Variants in PLSCR2 observed in about 807,000 individuals in gnomAD.
The protein encoded by PLSCR2 is phospholipid scramblase 2.
In PLSCR2, 18 loss-of-function variants were observed where a neutral mutation model predicts 25.3. The observed-to-expected ratio is 0.71, with a 90% CI of 0.49 to 1.06. The LOEUF (loss-of-function observed/expected upper bound fraction) is 1.06. Among genes scored for constraint, PLSCR2 ranks in the 50% least tolerant of loss-of-function variants. The probability of loss-of-function intolerance (pLI) is 0.00; values close to 1 mark genes in which losing one functional copy is unlikely to be tolerated. For synonymous variants in PLSCR2, 88 were observed against 87.3 expected (o/e 1.01, Z -0.04); for missense variants, 243 against 269.5 (o/e 0.90, Z 0.69).
At chr3:146,430,603 C>T (rs940686560), downstream of PLSCR2, among the ~76,000 whole-genome samples, 3 of 152,168 alleles carry the variant, frequency 2.0e-5, no homozygotes, top group African/African-American at 7.2e-5. Context: ...AGCCCAAACT[C>T]AGCTAAAACT....
chr3:146,472,499 G>A (rs1014863056), intron 1 of PLSCR2, among the ~76,000 whole-genome samples: 3 of 152,182 alleles, frequency 2.0e-5, no homozygotes, highest in Non-Finnish European at 4.4e-5. Flanking sequence ...AAGGTGCCAG[G>A]AGATTCAGTG....
chr3:146,469,503 G>A, intron 1 of PLSCR2: 1 of 985,052 alleles, frequency 1.0e-6, no homozygotes, highest in Non-Finnish European at 1.2e-6. Context: ...ACCCGTGGCT[G>A]CAGCTGCTCC....
At chr3:146,468,007 T>G (rs2041944482) in intron 1 of PLSCR2, among the ~76,000 whole-genome samples, 1 of 152,210 alleles carries the variant, frequency 6.6e-6, no homozygotes, top group Admixed American at 6.5e-5. Flanking sequence ...ACCTGCACTT[T>G]AAGACCTCAA....
At chr3:146,476,173 A>C (rs559519196) in intron 1 of PLSCR2, among the ~76,000 whole-genome samples, 1 of 152,062 alleles carries the variant, frequency 6.6e-6, no homozygotes, top group South Asian at 2.1e-4. Flanking sequence ...CAGTGTGTGA[A>C]TCCTGCACTG....
intron 8 of PLSCR2, 77 bp from the exon 8 acceptor site, chr3:146,433,594 G>C (rs2039640549): frequency 6.6e-6 from 1 of 152,046 alleles, no homozygotes; most frequent in Admixed American, 6.6e-5. Context: ...TCCTCATTTT[G>C]GGTTGGTTTT....
At chr3:146,395,167 T>C (rs1248808988) in intron 3 of PLSCR2, among the ~76,000 whole-genome samples, 1 of 152,154 alleles carries the variant, frequency 6.6e-6, no homozygotes, top group East Asian at 1.9e-4. Context: ...AGAGGGATCA[T>C]CTAAAGTTCA....
intron 1 of PLSCR2, among the ~76,000 whole-genome samples, chr3:146,467,030 GCA>G (rs2041901874): frequency 6.6e-6 from 1 of 152,140 alleles, no homozygotes; most frequent in Admixed American, 6.5e-5. Flanking sequence ...GAAATGAAAA[GCA>G]CAGTTGTTAC....
chr3:146,396,084 T>G (rs1418832863), intron 2 of PLSCR2, among the ~76,000 whole-genome samples: 1 of 152,172 alleles, frequency 6.6e-6, no homozygotes, highest in Non-Finnish European at 1.5e-5. Context: ...CTGGTAAAAT[T>G]TATAGGCAAT....
At chr3:146,486,069 T>A (rs2108556799) in intron 1 of PLSCR2, among the ~76,000 whole-genome samples, 1 of 152,138 alleles carries the variant, frequency 6.6e-6, no homozygotes, top group South Asian at 2.1e-4. Context: ...CCAAACTGTA[T>A]CAGTAAATAA....
intron 8 of PLSCR2, among the ~76,000 whole-genome samples, chr3:146,435,730 C>G (rs1291338581): frequency 6.6e-6 from 1 of 152,130 alleles, no homozygotes; most frequent in Non-Finnish European, 1.5e-5. Flanking sequence ...GTTGCCTGTT[C>G]ACTCTGATGG....
intron 6 of PLSCR2, among the ~76,000 whole-genome samples, chr3:146,442,715 C>T (rs970916787): frequency 6.6e-6 from 1 of 151,954 alleles, no homozygotes; most frequent in Non-Finnish European, 1.5e-5. Flanking sequence ...GAGGAAAGGA[C>T]AGTACCCTTA....
intron 1 of PLSCR2, among the ~76,000 whole-genome samples, chr3:146,482,974 A>G (rs9755212): frequency 0.32 from 49,071 of 151,874 alleles, 7,969 homozygotes; most frequent in South Asian, 0.4. Flanking sequence ...CTATCACAAG[A>G]ACAGAAAATC....
intron 2 of PLSCR2, among the ~76,000 whole-genome samples, chr3:146,412,493 G>A (rs780704816): frequency 3.3e-5 from 5 of 152,158 alleles, no homozygotes; most frequent in Admixed American, 6.5e-5. Context: ...TGCAGCATGA[G>A]TTGCACTTGG....
At chr3:146,434,299 T>G (rs965010318) in intron 8 of PLSCR2, among the ~76,000 whole-genome samples, 4 of 152,134 alleles carry the variant, frequency 2.6e-5, no homozygotes, top group Non-Finnish European at 5.9e-5. Flanking sequence ...ATAAATAAAT[T>G]CTATGAAGGA....
intron 1 of PLSCR2, among the ~76,000 whole-genome samples, chr3:146,483,402 A>G (rs2867873): frequency 0.32 from 43,745 of 136,898 alleles, 7,268 homozygotes; most frequent in South Asian, 0.41. Flanking sequence ...TGCATGTTGT[A>G]CACATGTACC....
chr3:146,421,326 C>A (rs1231822494), intron 2 of PLSCR2, among the ~76,000 whole-genome samples: 1 of 151,822 alleles, frequency 6.6e-6, no homozygotes, highest in African/African-American at 2.4e-5. Flanking sequence ...TAGGCATATT[C>A]TACAAAAGAG....
upstream of PLSCR2, among the ~76,000 whole-genome samples, chr3:146,462,329 C>T (rs1333081672): frequency 6.6e-6 from 1 of 151,674 alleles, no homozygotes; most frequent in East Asian, 1.9e-4. Flanking sequence ...TGGACTCAAG[C>T]GATCCTCCTG....
chr3:146,481,049 C>T (rs140005811), intron 1 of PLSCR2, among the ~76,000 whole-genome samples: 85 of 152,254 alleles, frequency 5.6e-4, no homozygotes, highest in African/African-American at 1.9e-3. Flanking sequence ...ATATTAAAAA[C>T]TCTCAATAAA....
intron 6 of PLSCR2, among the ~76,000 whole-genome samples, chr3:146,448,212 T>G (rs762749374): frequency 1.3e-5 from 2 of 152,206 alleles, no homozygotes; most frequent in Non-Finnish European, 2.9e-5. Flanking sequence ...GTTGTTCAAT[T>G]TGGAATTCCT....
Sources: gnomAD v4.1 joint callset for allele counts (sites outside exome capture counted in the v4.1 genomes callset) on GRCh38, gnomAD v4.1.1 for gene constraint, MANE v1.5 for transcripts, NCBI Gene and HGNC (gene_info 2026-07-23, HGNC 2026-07-21) for gene names.